INTS8: variants seen among roughly 807,000 people sequenced by gnomAD.
INTS8 encodes integrator complex subunit 8, also known as protein kaonashi-1.
A neutral mutation model predicts 138.9 loss-of-function variants in INTS8; 47 were observed. That is an observed-to-expected ratio of 0.34 (90% CI 0.27 to 0.43). The LOEUF is 0.43. INTS8 is among the 20% of genes least tolerant of loss of function. The pLI is 1.00. For synonymous variants in INTS8, 392 were observed against 400.9 expected (o/e 0.98, Z 0.27); for missense variants, 996 against 1,173.0 (o/e 0.85, Z 2.20).
intron 16 of INTS8, 160 bp downstream of exon 16, chr8:94,859,792 G>A: frequency 1.7e-6 from 1 of 586,306 alleles, no homozygotes; most frequent in Non-Finnish European, 3.0e-6. Flanking sequence ...GATAATTCAT[G>A]CACTTGACCT....
intron 15 of INTS8, among the ~76,000 whole-genome samples, chr8:94,859,149 T>A (rs528837391): frequency 6.6e-6 from 1 of 151,906 alleles, no homozygotes; most frequent in Admixed American, 6.5e-5. Flanking sequence ...CCAGGTGTGG[T>A]GGGACCTGTG....
intron 12 of INTS8, 61 bp downstream of exon 12, chr8:94,850,152 C>T: frequency 8.9e-7 from 1 of 1,122,318 alleles, no homozygotes; most frequent in Non-Finnish European, 1.3e-6. Context: ...TTCAAATTAA[C>T]CTTGAAATAT....
chr8:94,861,830 C>T lies in INTS8; in HGVS notation c.2076+2198C>T, dbSNP rs561198886. On this transcript the variant is annotated intron_variant, in intron 16 of 26. Transcript: ENST00000523731. ...CCTCCCAAAGTGCTGGGATTACAGG[C>T]GTGAGCCACCGCGCCCGGCCCGGCC... Among the ~76,000 whole-genome samples the T allele has an allele frequency of 1.8e-4, 28 of 152,248 alleles. No homozygotes were observed. In the South Asian group the frequency reaches 5.4e-3, roughly 29 times the overall value.
At chr8:94,857,272 A>G (rs564182078) in intron 15 of INTS8, among the ~76,000 whole-genome samples, 93 of 151,986 alleles carry the variant, frequency 6.1e-4, no homozygotes, top group African/African-American at 2.1e-3. Context: ...GGGTTTCACT[A>G]TGTTGGCCAG....
chr8:94,861,622 G>A (rs1815987133), intron 16 of INTS8, among the ~76,000 whole-genome samples: 2 of 149,808 alleles, frequency 1.3e-5, no homozygotes, highest in South Asian at 2.1e-4. Flanking sequence ...GCACGATCTC[G>A]GCTCACCGCA....
chr8:94,861,161 A>T (rs1815956309), intron 16 of INTS8, among the ~76,000 whole-genome samples: 1 of 148,520 alleles, frequency 6.7e-6, no homozygotes, highest in African/African-American at 2.5e-5. Context: ...TTCTTCCTTC[A>T]CGTATGTCCT....
At chr8:94,851,770 T>TATCAAAAAGGTCAG in intron 13 of INTS8, 84 bp downstream of exon 13, 1 of 1,150,566 alleles carries the variant, frequency 8.7e-7, no homozygotes, top group Non-Finnish European at 1.2e-6. Context: ...CTGACCTTTT[T>TATCAAAAAGGTCAG]GATAATAAGG....
At chr8:94,861,004 C>CT (rs1815945078) in intron 16 of INTS8, among the ~76,000 whole-genome samples, 1 of 149,086 alleles carries the variant, frequency 6.7e-6, no homozygotes, top group African/African-American at 2.5e-5. Context: ...TTGCAGTGAG[C>CT]CGAGATGGCG....
At chr8:94,869,118 G>A (rs1418749929) in intron 20 of INTS8, among the ~76,000 whole-genome samples, 1 of 151,508 alleles carries the variant, frequency 6.6e-6, no homozygotes, top group African/African-American at 2.4e-5. Context: ...GAGTACCTGG[G>A]ATTACAAGCA....
At chr8:94,825,765 A>G (rs752445956) in intron 2 of INTS8, among the ~76,000 whole-genome samples, 1 of 152,136 alleles carries the variant, frequency 6.6e-6, no homozygotes, top group Non-Finnish European at 1.5e-5. Flanking sequence ...TCTCATCACA[A>G]TTTAAAACAT....
At chr8:94,831,190 T>C (rs759854283) in intron 5 of INTS8, among the ~76,000 whole-genome samples, 1 of 152,092 alleles carries the variant, frequency 6.6e-6, no homozygotes, top group Non-Finnish European at 1.5e-5. Context: ...CTCAGCTCAC[T>C]GCAACCTCTG....
intron 15 of INTS8, among the ~76,000 whole-genome samples, chr8:94,857,897 G>A (rs989382196): frequency 2.6e-5 from 4 of 152,218 alleles, no homozygotes; most frequent in Non-Finnish European, 5.9e-5. Flanking sequence ...AAACTATATT[G>A]CAATGTTCAG....
chr8:94,823,917 C>T (rs1814383184), intron 1 of INTS8, among the ~76,000 whole-genome samples: 2 of 152,224 alleles, frequency 1.3e-5, no homozygotes, highest in African/African-American at 4.8e-5. Context: ...CAACCCCAAG[C>T]TGAATAAATT....
intron 5 of INTS8, among the ~76,000 whole-genome samples, chr8:94,830,807 T>C (rs1419219152): frequency 6.6e-6 from 1 of 152,208 alleles, no homozygotes; most frequent in Non-Finnish European, 1.5e-5. Flanking sequence ...TAAATCTTTT[T>C]TGTTTTTTGA....
chr8:94,824,984 TAAC>T lies in INTS8; in HGVS notation c.225_227del (p.Asn75del). 1 of 1,612,868 alleles carries T rather than the reference TAAC, an allele frequency of 6.2e-7. No individual in the cohort carries two copies. The highest frequency in any genetic ancestry group is 1.1e-5 in the South Asian group (1 of 91,048). On this transcript the variant is annotated inframe_deletion, in exon 2 of 27. Transcript: ENST00000523731. ...AAAACCAAGTTCAACCTCCGCCTGATAACAAGAGAAATCGTATTTTAAAACTAC... is the reference window on the plus strand; with the variant it reads ...AAAACCAAGTTCAACCTCCGCCTGATAAGAGAAATCGTATTTTAAAACTAC...
chr8:94,857,024 A>C, intron 15 of INTS8, 46 bp downstream of exon 15: 1 of 1,381,764 alleles, frequency 7.2e-7, no homozygotes, highest in South Asian at 1.2e-5. Flanking sequence ...CAGTACTCAC[A>C]TAATTGTGGG....
At chr8:94,855,688 C>A (rs962499492) in intron 14 of INTS8, among the ~76,000 whole-genome samples, 1 of 152,002 alleles carries the variant, frequency 6.6e-6, no homozygotes, top group African/African-American at 2.4e-5. Context: ...GTAAGTGTCA[C>A]AAGTGTTACA....
chr8:94,880,192 GA>G lies in INTS8; in HGVS notation c.2954del (p.Lys985SerfsTer44), dbSNP rs1352150703. ...TGTTACAGCTGGCAGCGCAGAGAAG[GA>G]AAAAAAAGTTTCTCCAAGCAATGGC... The part of the protein sequence containing the change: ...EVLQLAAQRR[K>X]KKFLQAMAKL... On this transcript the variant is annotated frameshift_variant, in exon 27 of 27. Coordinates refer to ENST00000523731, the MANE Select transcript of INTS8 (RefSeq NM_017864.4). LOFTEE classifies it high-confidence loss of function. The G allele has an allele frequency of 5.0e-6, 8 of 1,606,734 alleles. No individual in the cohort carries two copies. The highest frequency in any genetic ancestry group is 1.1e-5 in the South Asian group (1 of 89,882).
chr8:94,834,228 C>CCT (rs1280619591), intron 6 of INTS8, among the ~76,000 whole-genome samples: 1 of 152,090 alleles, frequency 6.6e-6, no homozygotes, highest in Non-Finnish European at 1.5e-5. Flanking sequence ...CACCTCTTAA[C>CCT]CTCTAAACTC....
Sources: gnomAD v4.1 joint callset for allele counts (sites outside exome capture counted in the v4.1 genomes callset) on GRCh38, gnomAD v4.1.1 for gene constraint, MANE v1.5 for transcripts, NCBI Gene and HGNC (gene_info 2026-07-23, HGNC 2026-07-21) for gene names.